The following MEMO1 variants were observed in gnomAD, a reference collection of about 807,000 sequenced individuals.
MEMO1 encodes the protein protein MEMO1.
A neutral mutation model predicts 45.2 loss-of-function variants in MEMO1; 6 were observed. The observed-to-expected ratio is 0.13, with a 90% CI of 0.07 to 0.26. The LOEUF is 0.26. MEMO1 is among the 10% of genes least tolerant of loss of function. MEMO1 has a pLI of 1.00. For missense variants in MEMO1, 184 were observed against 370.5 expected (o/e 0.50, Z 4.13); for synonymous variants, 78 against 124.3 (o/e 0.63, Z 2.48).
At chr2:31,972,891 A>C (rs770616107) in intron 2 of MEMO1, among the ~76,000 whole-genome samples, 3 of 152,238 alleles carry the variant, frequency 2.0e-5, no homozygotes, top group Non-Finnish European at 2.9e-5. Context: ...ATGACCAATA[A>C]GCACATGAAA....
At chr2:31,874,298 A>T (rs1280632719) in intron 8 of MEMO1, among the ~76,000 whole-genome samples, 1 of 152,102 alleles carries the variant, frequency 6.6e-6, no homozygotes, top group Non-Finnish European at 1.5e-5. Context: ...CTTTAGTCAC[A>T]GTAATTATTG....
chr2:31,962,754 G>C (rs1668167143), intron 2 of MEMO1, among the ~76,000 whole-genome samples: 1 of 152,154 alleles, frequency 6.6e-6, no homozygotes, highest in Non-Finnish European at 1.5e-5. Flanking sequence ...GGCAGGAAAT[G>C]TACAAAATGA....
At chr2:31,868,932 C>T (rs1197797869) in intron 9 of MEMO1, among the ~76,000 whole-genome samples, 2 of 152,018 alleles carry the variant, frequency 1.3e-5, no homozygotes, top group Non-Finnish European at 2.9e-5. Context: ...CTTTAATTGT[C>T]GATTGGTTCA....
rs72860909 is a variant in MEMO1 at position 31,916,564 on chromosome 2, A to T, written c.437+1362T>A. On this transcript the variant is annotated intron_variant, in intron 6 of 9. Coordinates refer to ENST00000404530, the MANE Select transcript of MEMO1 (RefSeq NM_001301833.4). ...TATTAAGTCTAAATTATATTTTCTC[A>T]TGACAAAATATGCAAACATCTCAGT... Among the ~76,000 whole-genome samples the T allele has an allele frequency of 2.9e-3, 438 of 152,338 alleles. 4 individuals carry two copies. Among genetic ancestry groups the T allele is most frequent in the African/African-American group, 1.0e-2 (414 of 41,590 alleles).
chr2:31,939,718 C>T (rs913479288), intron 3 of MEMO1, among the ~76,000 whole-genome samples: 1 of 152,250 alleles, frequency 6.6e-6, no homozygotes, highest in African/African-American at 2.4e-5. Flanking sequence ...CCCCTCTTAT[C>T]CCTGCATCAA....
chr2:31,883,552 T>C (rs1475222267), intron 7 of MEMO1, 90 bp from the exon 8 acceptor site: 1 of 928,032 alleles, frequency 1.1e-6, no homozygotes, highest in Non-Finnish European at 1.6e-6. Flanking sequence ...TCAGTTCTCA[T>C]GAAAGGCAAA....
intron 2 of MEMO1, among the ~76,000 whole-genome samples, chr2:31,971,990 A>G (rs1669468158): frequency 6.6e-6 from 1 of 152,170 alleles, no homozygotes; most frequent in South Asian, 2.1e-4. Context: ...AAAAGAAAAG[A>G]AAAGAAATAT....
chr2:31,901,026 G>A (rs961797006), intron 6 of MEMO1, among the ~76,000 whole-genome samples: 5 of 152,004 alleles, frequency 3.3e-5, no homozygotes, highest in Admixed American at 6.6e-5. Flanking sequence ...TTTATCAACC[G>A]GTAAATGGAC....
In MEMO1 at chr2:31,880,332, A is replaced by G. The variant is rs149937984; in HGVS notation, c.657+3054T>C. Among the ~76,000 whole-genome samples the G allele has an allele frequency of 7.9e-5, 12 of 152,350 alleles. No homozygotes were observed. The East Asian group carries it at 2.3e-3, about 29-fold the overall frequency. On this transcript the variant is annotated intron_variant, in intron 8 of 9. Coordinates refer to ENST00000404530, the MANE Select transcript of MEMO1 (RefSeq NM_001301833.4). ...CAGGAAGCCAAAAAGAAGGTAATAC[A>G]TTAAAATCCAAATAAAATTCTAAAG... is the stretch of plus-strand genomic sequence containing the variant.
In MEMO1 at chr2:31,869,954, TAA is replaced by T. The variant is rs76850690; in HGVS notation, c.658-4_658-3del. On this transcript the variant is annotated splice_region_variant and splice_polypyrimidine_tract_variant and intron_variant, in intron 8 of 9. Coordinates refer to ENST00000404530, the MANE Select transcript of MEMO1 (RefSeq NM_001301833.4). ...TAATTGTTCTATAATACTCATACCC[TAA>T]AAAAAAAAAAAAAGAAGAGGAAGAA... is the stretch of plus-strand genomic sequence containing the variant. The T allele has an allele frequency of 0.016, 18,491 of 1,120,968 alleles. No individual in the cohort carries two copies. The highest frequency in any genetic ancestry group is 0.027 in the South Asian group (1,127 of 42,396). 69.4% of individuals were successfully genotyped at this position (1,120,968 alleles called of 1,614,324 possible).
rs553125348 is a variant in MEMO1 at position 31,948,315 on chromosome 2, A to T, written c.62-4932T>A. On this transcript the variant is annotated intron_variant, in intron 2 of 9. Coordinates refer to ENST00000404530, the MANE Select transcript of MEMO1 (RefSeq NM_001301833.4). ...CTATTCTACATATGTAATTTAAAGA[A>T]TGACCAACTGCCACAACTTTTTCCA... Among the ~76,000 whole-genome samples, 75 of 152,366 alleles carry T rather than the reference A, an allele frequency of 4.9e-4. 1 individual carries two copies. The highest frequency in any genetic ancestry group is 1.6e-3 in the African/African-American group (65 of 41,592).
At chr2:31,959,864 T>A (rs17011716) in intron 2 of MEMO1, among the ~76,000 whole-genome samples, 12,257 of 152,290 alleles carry the variant, frequency 0.08, 584 homozygotes, top group Middle Eastern at 0.15. Flanking sequence ...ACAACATGCT[T>A]CTGCAACTGC....
At position 31,932,149 on chromosome 2, in the gene MEMO1, T is replaced by C. The variant is rs1664255011; in HGVS notation, c.144-14A>G. The C allele has an allele frequency of 5.0e-6, 8 of 1,608,736 alleles. No individual in the cohort carries two copies. The highest frequency in any genetic ancestry group is 1.1e-5 in the South Asian group (1 of 89,968). ...TATCCTGCATGGCTACAAAACAAAA[T>C]ATTTTTAAACTTAATCATCAGATTC... On this transcript the variant is annotated splice_polypyrimidine_tract_variant and intron_variant, in intron 3 of 9. Coordinates refer to ENST00000404530, the MANE Select transcript of MEMO1 (RefSeq NM_001301833.4).
chr2:31,977,038 T>C (rs1048424968), intron 2 of MEMO1, among the ~76,000 whole-genome samples: 1 of 151,990 alleles, frequency 6.6e-6, no homozygotes, highest in African/African-American at 2.4e-5. Context: ...CAGCACCTAA[T>C]AAAGGATTTA....
intron 2 of MEMO1, among the ~76,000 whole-genome samples, chr2:32,001,686 AAGTCCTGGGTTCAAAACC>A (rs1673336277): frequency 1.3e-5 from 2 of 152,124 alleles, no homozygotes; most frequent in African/African-American, 2.4e-5. Context: ...CTTTAGCCAG[AAGTCCTGGGTTCAAAACC>A]CAACTCTACT....
chr2:31,925,636 T>C (rs1682989226), intron 4 of MEMO1, among the ~76,000 whole-genome samples: 1 of 152,106 alleles, frequency 6.6e-6, no homozygotes, highest in Admixed American at 6.5e-5. Context: ...CAGCAGTCCA[T>C]AAAATTAAAA....
intron 2 of MEMO1, among the ~76,000 whole-genome samples, chr2:31,954,207 T>C (rs1667153880): frequency 6.6e-6 from 1 of 152,180 alleles, no homozygotes; most frequent in Non-Finnish European, 1.5e-5. Flanking sequence ...TATTTTAAAT[T>C]ACCCACAATC....
Position 31,993,949 on chromosome 2 carries a change from C to CTTTTTTTTTTTTTT in MEMO1, c.61+16224_61+16237dup, listed in dbSNP as rs397800267. On this transcript the variant is annotated intron_variant, in intron 2 of 9. Transcript: ENST00000404530. ...AATACAGAAATATCATCAATACTTT[C>CTTTTTTTTTTTTTT]TTTTTTTTTTTTTTTTTTTTTTTTT... is the stretch of plus-strand genomic sequence containing the variant. Among the ~76,000 whole-genome samples the CTTTTTTTTTTTTTT allele has an allele frequency of 2.6e-4, 19 of 73,554 alleles. 3 individuals carry two copies. The highest frequency in any genetic ancestry group is 3.9e-4 in the African/African-American group (8 of 20,480). The allele number at this position is 73,554 out of a possible 152,430, so 48.3% of individuals were successfully genotyped here. A position where few individuals can be genotyped will look rare whatever the true frequency, so the allele number is the denominator to read the frequency against.
intron 3 of MEMO1, among the ~76,000 whole-genome samples, chr2:31,936,495 C>T (rs957654682): frequency 9.2e-5 from 14 of 152,176 alleles, no homozygotes; most frequent in African/African-American, 3.4e-4. Context: ...AGACCCTTTA[C>T]GTCGGCAAGT....
Sources: allele counts gnomAD v4.1 joint callset (sites outside exome capture counted in the v4.1 genomes callset), GRCh38; gene constraint gnomAD v4.1.1; transcripts MANE v1.5; gene names NCBI Gene and HGNC (gene_info 2026-07-23, HGNC 2026-07-21).